Variants in RGS17 observed in about 807,000 individuals in gnomAD.
RGS17 encodes regulator of G-protein signaling 17.
Under a neutral mutation model 25.5 loss-of-function variants are expected in RGS17, and 12 were observed. The ratio of observed to expected loss-of-function variants is 0.47; its 90% CI spans 0.30 to 0.76. The LOEUF is 0.76. Ranked by LOEUF, RGS17 falls within the 30% of genes least tolerant of loss-of-function variation. RGS17 has a pLI of 0.07. For synonymous variants in RGS17, 71 were observed against 76.9 expected (o/e 0.92, Z 0.40); for missense variants, 196 against 242.2 (o/e 0.81, Z 1.27).
chr6:153,115,128 AG>A (rs1777525413), intron 1 of RGS17, among the ~76,000 whole-genome samples: 2 of 152,226 alleles, frequency 1.3e-5, no homozygotes, highest in African/African-American at 4.8e-5. Flanking sequence ...ATAGGGAGAG[AG>A]GAAGTCAAAT....
At chr6:153,124,882 C>T (rs959553250) in intron 1 of RGS17, among the ~76,000 whole-genome samples, 5 of 152,138 alleles carry the variant, frequency 3.3e-5, no homozygotes, top group Middle Eastern at 3.4e-3. Flanking sequence ...GACATAGGGT[C>T]GTCTACCAAG....
intron 1 of RGS17, among the ~76,000 whole-genome samples, chr6:153,093,958 C>T (rs1777169403): frequency 1.3e-5 from 2 of 151,970 alleles, no homozygotes; most frequent in African/African-American, 2.4e-5. Context: ...GTTCTCGGGC[C>T]CAAATGTCAC....
chr6:153,070,190 G>A (rs1463225127), intron 1 of RGS17, among the ~76,000 whole-genome samples: 1 of 152,030 alleles, frequency 6.6e-6, no homozygotes, highest in African/African-American at 2.4e-5. Context: ...CTGATATACA[G>A]AAGAAATAAT....
At chr6:153,120,601 C>CCATA (rs1339974689) in intron 1 of RGS17, among the ~76,000 whole-genome samples, 1 of 152,172 alleles carries the variant, frequency 6.6e-6, no homozygotes, top group Non-Finnish European at 1.5e-5. Context: ...AGCGCCTGTC[C>CCATA]CATAGCACAG....
chr6:153,131,259 G>C lies in RGS17; in HGVS notation c.-161C>G, dbSNP rs1167219697. ...CAGCGGGCGAGGAGAGAGGGAGAGCGGCGAGGATGCAGAGGAGGGGGAGGG... is the reference window on the plus strand; with the variant it reads ...CAGCGGGCGAGGAGAGAGGGAGAGCCGCGAGGATGCAGAGGAGGGGGAGGG... On this transcript the variant is annotated 5_prime_UTR_variant, in exon 1 of 5. Coordinates refer to ENST00000206262, the MANE Select transcript of RGS17 (RefSeq NM_012419.5). 2 of 149,568 alleles carry C rather than the reference G, an allele frequency of 1.3e-5. No individual in the cohort carries two copies. Among genetic ancestry groups the C allele is most frequent in the African/African-American group, 4.9e-5 (2 of 40,878 alleles). The allele number at this position is 149,568 out of a possible 1,614,324, so 9.3% of individuals were successfully genotyped here.
intron 4 of RGS17, among the ~76,000 whole-genome samples, chr6:153,014,347 T>TA (rs1259014667): frequency 6.6e-6 from 1 of 152,174 alleles, no homozygotes; most frequent in African/African-American, 2.4e-5. Flanking sequence ...AGATTCCTTT[T>TA]AAAGTTCTAC....
At chr6:153,129,959 C>A (rs1440691314) in intron 1 of RGS17, among the ~76,000 whole-genome samples, 1 of 152,082 alleles carries the variant, frequency 6.6e-6, no homozygotes, top group Non-Finnish European at 1.5e-5. Flanking sequence ...GCAGGGCGGG[C>A]GCGCGGGCAT....
intron 1 of RGS17, among the ~76,000 whole-genome samples, chr6:153,073,389 T>C (rs1272790405): frequency 6.6e-6 from 1 of 152,136 alleles, no homozygotes. Flanking sequence ...GCCACAGACA[T>C]GCCTTTGAAA....
intron 1 of RGS17, among the ~76,000 whole-genome samples, chr6:153,061,549 A>G (rs1289316560): frequency 1.3e-5 from 2 of 152,216 alleles, no homozygotes; most frequent in Non-Finnish European, 2.9e-5. Context: ...TAACATTTGA[A>G]AAAGGGTATT....
intron 2 of RGS17, among the ~76,000 whole-genome samples, chr6:153,029,562 C>T (rs1465869119): frequency 1.3e-5 from 2 of 151,726 alleles, no homozygotes; most frequent in Non-Finnish European, 2.9e-5. Context: ...TTTTGAGGGT[C>T]CCATAGAGAC....
intron 2 of RGS17, among the ~76,000 whole-genome samples, chr6:153,031,726 GA>G (rs977633298): frequency 1.3e-5 from 2 of 152,120 alleles, no homozygotes; most frequent in Non-Finnish European, 2.9e-5. Context: ...TTAAGGTTTG[GA>G]AAAATAAACC....
chr6:153,103,829 T>G (rs1048412445), intron 1 of RGS17, among the ~76,000 whole-genome samples: 2 of 152,196 alleles, frequency 1.3e-5, no homozygotes, highest in African/African-American at 4.8e-5. Flanking sequence ...AAGCTACTTT[T>G]TCCCAATAGA....
Position 153,054,133 on chromosome 6 carries a change from C to T in RGS17, c.-25-10090G>A, listed in dbSNP as rs1350405802. Among the ~76,000 whole-genome samples the T allele has an allele frequency of 2.5e-3, 171 of 67,588 alleles. 5 individuals are homozygous for T. Among genetic ancestry groups the T allele is most frequent in the Middle Eastern group, 0.016 (1 of 62 alleles). 44.3% of individuals were successfully genotyped at this position (67,588 alleles called of 152,430 possible). A position where few individuals can be genotyped will look rare whatever the true frequency, so the allele number is the denominator to read the frequency against. ...ATATATGTGTATATATATATATATA[C>T]AGCTTTATACCAGGCAGGAATTTCT... On this transcript the variant is annotated intron_variant, in intron 1 of 4. Transcript: ENST00000206262.
At chr6:153,109,924 G>A (rs745503775) in intron 1 of RGS17, among the ~76,000 whole-genome samples, 3 of 152,186 alleles carry the variant, frequency 2.0e-5, no homozygotes, top group Admixed American at 6.5e-5. Context: ...TTCCAAACAT[G>A]AGATCTAACC....
At chr6:153,070,102 T>G (rs567865189) in intron 1 of RGS17, among the ~76,000 whole-genome samples, 1 of 152,224 alleles carries the variant, frequency 6.6e-6, no homozygotes, top group South Asian at 2.1e-4. Context: ...TAGAAAGACT[T>G]TGCATGATGA....
rs76449061 is a variant in RGS17 at position 153,055,008 on chromosome 6, A to G, written c.-25-10965T>C. Among the ~76,000 whole-genome samples, 675 of 152,336 alleles carry G rather than the reference A, an allele frequency of 4.4e-3. 12 individuals carry two copies. Among genetic ancestry groups the G allele is most frequent in the African/African-American group, 0.015 (639 of 41,586 alleles). ...AAGCAATGAGGTATAATATTTTGCT[A>G]CATAGCTGGGGCGTCTGAATAATTA... On this transcript the variant is annotated intron_variant, in intron 1 of 4. Coordinates refer to ENST00000206262, the MANE Select transcript of RGS17 (RefSeq NM_012419.5).
intron 1 of RGS17, among the ~76,000 whole-genome samples, chr6:153,090,851 G>GTGTA (rs1554242666): frequency 6.6e-6 from 1 of 150,690 alleles, no homozygotes; most frequent in Non-Finnish European, 1.5e-5. Context: ...AAAAAACATA[G>GTGTA]TATATATATA....
intron 4 of RGS17, among the ~76,000 whole-genome samples, chr6:153,020,798 CA>C (rs1370718539): frequency 2.0e-5 from 3 of 152,082 alleles, no homozygotes; most frequent in African/African-American, 7.2e-5. Flanking sequence ...CATAGAATTT[CA>C]GAGGTAGAAA....
chr6:153,109,858 T>C (rs989992538), intron 1 of RGS17, among the ~76,000 whole-genome samples: 1 of 152,242 alleles, frequency 6.6e-6, no homozygotes, highest in Non-Finnish European at 1.5e-5. Flanking sequence ...ACTGCAAACT[T>C]GCCCCCTGGG....
Sources: allele counts gnomAD v4.1 joint callset (sites outside exome capture counted in the v4.1 genomes callset), GRCh38; gene constraint gnomAD v4.1.1; transcripts MANE v1.5; gene names NCBI Gene and HGNC (gene_info 2026-07-23, HGNC 2026-07-21).